GPC3: variants seen among roughly 807,000 people sequenced by gnomAD.
GPC3 encodes the protein glypican 3.
In GPC3, 3 loss-of-function variants were observed where a neutral mutation model predicts 34.4. The observed-to-expected ratio is 0.09, with a 90% CI of 0.04 to 0.23. The LOEUF is 0.23. Ranked by LOEUF, GPC3 falls within the 10% of genes least tolerant of loss-of-function variation. The pLI, the probability that GPC3 is intolerant of heterozygous loss-of-function variation, is 1.00. For synonymous variants in GPC3, 177 were observed against 174.0 expected, an observed-to-expected ratio of 1.02 and a Z score of -0.13; for missense variants, 351 against 445.6, an observed-to-expected ratio of 0.79 and a Z score of 1.91.
intron 2 of GPC3, among the ~76,000 whole-genome samples, chrX:133,927,338 CTG>C (rs1043961384): frequency 3.6e-5 from 4 of 110,115 alleles, no homozygotes; most frequent in Non-Finnish European, 7.6e-5. Context: ...GGAAAAAAAA[CTG>C]TATGAGTAGT....
chrX:133,547,863 G>C (rs1194292451), intron 7 of GPC3, among the ~76,000 whole-genome samples: 1 of 110,543 alleles, frequency 9.0e-6, no homozygotes, highest in Non-Finnish European at 1.9e-5. Context: ...GTTTCACCAT[G>C]TTGTCCGGGC....
intron 2 of GPC3, among the ~76,000 whole-genome samples, chrX:133,923,482 G>C (rs2076261202): frequency 9.0e-6 from 1 of 111,510 alleles, no homozygotes; most frequent in African/African-American, 3.3e-5. Context: ...AGGTCTTCCT[G>C]ATCACTGGGA....
intron 2 of GPC3, among the ~76,000 whole-genome samples, chrX:133,930,935 C>T (rs147693183): frequency 0.01 from 1,130 of 112,322 alleles, 17 homozygotes; most frequent in African/African-American, 0.033. Context: ...CGTGCCCGGC[C>T]ACAAATTATT....
intron 2 of GPC3, among the ~76,000 whole-genome samples, chrX:133,756,242 G>A (rs747042096): frequency 1.7e-4 from 19 of 112,450 alleles, no homozygotes; most frequent in African/African-American, 6.1e-4. Context: ...ACAAACTAGT[G>A]TCTTCCATAA....
chrX:133,575,492 G>A (rs2069670385), intron 7 of GPC3, among the ~76,000 whole-genome samples: 1 of 111,735 alleles, frequency 8.9e-6, no homozygotes, highest in Admixed American at 9.5e-5. Flanking sequence ...TCATGAGTAT[G>A]CATTTTCAAA....
chrX:133,551,442 C>T (rs943540873), intron 7 of GPC3, among the ~76,000 whole-genome samples: 1 of 111,445 alleles, frequency 9.0e-6, no homozygotes, highest in Non-Finnish European at 1.9e-5. Context: ...CATTCCCCCT[C>T]CTTTCCATTT....
At chrX:133,811,787 T>C (rs895187812) in intron 2 of GPC3, among the ~76,000 whole-genome samples, 1 of 112,069 alleles carries the variant, frequency 8.9e-6, no homozygotes, top group Non-Finnish European at 1.9e-5. Context: ...CCCTCAGGTC[T>C]CCACAGACAA....
At chrX:133,888,102 T>C (rs991964396) in intron 2 of GPC3, among the ~76,000 whole-genome samples, 12 of 109,599 alleles carry the variant, frequency 1.1e-4, no homozygotes, top group Admixed American at 7.8e-4. Context: ...GGCCCCAGTG[T>C]GTGATGTTCC....
At chrX:133,896,542 G>C (rs990840388) in intron 2 of GPC3, among the ~76,000 whole-genome samples, 1 of 111,432 alleles carries the variant, frequency 9.0e-6, no homozygotes, top group Non-Finnish European at 1.9e-5. Flanking sequence ...TCTTCGGAAA[G>C]TAGGTTCCTG....
chrX:133,563,761 T>G (rs1285397253), intron 7 of GPC3, among the ~76,000 whole-genome samples: 1 of 111,757 alleles, frequency 8.9e-6, no homozygotes, highest in Non-Finnish European at 1.9e-5. Flanking sequence ...TTTTCCCAAA[T>G]TTTAATCCTC....
chrX:133,781,374 G>A (rs775197086), intron 2 of GPC3, among the ~76,000 whole-genome samples: 3 of 112,211 alleles, frequency 2.7e-5, no homozygotes, highest in South Asian at 7.4e-4. Flanking sequence ...CAGCTGGCAG[G>A]CTACACAGCC....
chrX:133,828,104 T>A (rs991174153), intron 2 of GPC3, among the ~76,000 whole-genome samples: 1 of 111,379 alleles, frequency 9.0e-6, no homozygotes, highest in Non-Finnish European at 1.9e-5. Flanking sequence ...TTAAAAATGA[T>A]GACAAGAAAA....
intron 6 of GPC3, among the ~76,000 whole-genome samples, chrX:133,644,176 C>G (rs1380291204): frequency 1.8e-5 from 2 of 110,821 alleles, no homozygotes; most frequent in East Asian, 5.6e-4. Context: ...CTTATACATA[C>G]ATCTTTGTAG....
chrX:133,705,826 A>G (rs2071210788), intron 3 of GPC3, among the ~76,000 whole-genome samples: 1 of 112,577 alleles, frequency 8.9e-6, no homozygotes, highest in Non-Finnish European at 1.9e-5. Flanking sequence ...CCTAAGTTTC[A>G]GGTAGTATTT....
At chrX:133,870,443 G>T (rs950494329) in intron 2 of GPC3, among the ~76,000 whole-genome samples, 2 of 111,327 alleles carry the variant, frequency 1.8e-5, no homozygotes, top group African/African-American at 6.6e-5. Context: ...AACTTTAGCT[G>T]AGCCCTGGTT....
intron 6 of GPC3, among the ~76,000 whole-genome samples, chrX:133,646,651 G>A (rs1400176395): frequency 8.9e-6 from 1 of 112,144 alleles, no homozygotes; most frequent in Non-Finnish European, 1.9e-5. Flanking sequence ...GAGTTGAAAG[G>A]AGGCAGCCAA....
intron 2 of GPC3, among the ~76,000 whole-genome samples, chrX:133,952,312 A>G (rs1206854537): frequency 9.0e-6 from 1 of 111,534 alleles, no homozygotes; most frequent in Non-Finnish European, 1.9e-5. Flanking sequence ...TGAGGATTAA[A>G]TGAATTAATA....
At chrX:133,958,174 C>G (rs1014606425) in intron 1 of GPC3, among the ~76,000 whole-genome samples, 2 of 112,124 alleles carry the variant, frequency 1.8e-5, no homozygotes, top group African/African-American at 6.5e-5. Context: ...GCCCTGTACA[C>G]GTAGTGTTGA....
chrX:133,809,958 A>G (rs1389145269), intron 2 of GPC3, among the ~76,000 whole-genome samples: 1 of 112,252 alleles, frequency 8.9e-6, no homozygotes, highest in Non-Finnish European at 1.9e-5. Context: ...AAGCAAACCT[A>G]GTGTGTGAAC....
Sources: allele counts gnomAD v4.1 joint callset (sites outside exome capture counted in the v4.1 genomes callset), GRCh38; gene constraint gnomAD v4.1.1; transcripts MANE v1.5; gene names NCBI Gene and HGNC (gene_info 2026-07-23, HGNC 2026-07-21).